Variants in PTPRN2 observed in about 807,000 individuals in gnomAD.
The protein encoded by PTPRN2 is protein tyrosine phosphatase receptor type N2.
A neutral mutation model predicts 118.8 loss-of-function variants in PTPRN2; 74 were observed. The observed-to-expected ratio is 0.62, with a 90% CI of 0.52 to 0.76. The LOEUF is 0.76. Among genes scored for constraint, PTPRN2 ranks in the 30% least tolerant of loss-of-function variants. The pLI is 0.00. For missense variants in PTPRN2, 1,481 were observed against 1,394.4 expected (o/e 1.06, Z -0.99); for synonymous variants, 641 against 608.0 (o/e 1.05, Z -0.80).
At chr7:158,138,601 G>A (rs577989186) in intron 6 of PTPRN2, 86 bp from the exon 7 acceptor site, 188 of 1,308,862 alleles carry the variant, frequency 1.4e-4, no homozygotes, top group Middle Eastern at 1.9e-4. Flanking sequence ...TGTGGTGGGC[G>A]TCTGCGGCGT....
chr7:158,536,759 G>A (rs535107806), intron 1 of PTPRN2, among the ~76,000 whole-genome samples: 176 of 141,108 alleles, frequency 1.2e-3, no homozygotes, highest in Admixed American at 4.3e-3. Context: ...GTCCACCATC[G>A]ACAAGACGAG....
chr7:158,035,804 A>G (rs1438343795), intron 11 of PTPRN2, among the ~76,000 whole-genome samples: 1 of 152,234 alleles, frequency 6.6e-6, no homozygotes, highest in Non-Finnish European at 1.5e-5. Flanking sequence ...CTTTCCAACA[A>G]TGAGAGTTCT....
intron 4 of PTPRN2, among the ~76,000 whole-genome samples, chr7:158,194,177 C>T (rs1470650287): frequency 4.6e-5 from 7 of 152,136 alleles, no homozygotes; most frequent in Non-Finnish European, 7.4e-5. Flanking sequence ...GGTGTGAGTG[C>T]GTGTGTGCGT....
chr7:158,214,397 TACACACACACACACACAC>T (rs144370539), intron 3 of PTPRN2, among the ~76,000 whole-genome samples: 1 of 145,762 alleles, frequency 6.9e-6, no homozygotes. Flanking sequence ...CACCAGCGTG[TACACACACACACACACAC>T]ACACACACAC....
chr7:158,188,182 C>A (rs1285683761), intron 5 of PTPRN2, among the ~76,000 whole-genome samples: 1 of 121,094 alleles, frequency 8.3e-6, no homozygotes, highest in Non-Finnish European at 1.8e-5. Context: ...CCACGCTCGC[C>A]CCGCGATGGG....
chr7:157,614,005 TGGTGGAAGA>T, intron 15 of PTPRN2: 1 of 471,244 alleles, frequency 2.1e-6, no homozygotes, highest in South Asian at 1.5e-5. Context: ...ACATTCTTGC[TGGTGGAAGA>T]CCACAAGCAA....
intron 12 of PTPRN2, among the ~76,000 whole-genome samples, chr7:157,699,114 T>C (rs986879861): frequency 3.0e-4 from 46 of 152,250 alleles, no homozygotes; most frequent in African/African-American, 1.0e-3. Flanking sequence ...TCGGGTTGCT[T>C]TGGAATTAAA....
chr7:158,114,694 G>T (rs1237307563), intron 9 of PTPRN2, among the ~76,000 whole-genome samples: 1 of 152,200 alleles, frequency 6.6e-6, no homozygotes, highest in African/African-American at 2.4e-5. Context: ...AGGGAAAAGA[G>T]AAGCCACCGG....
At position 158,136,192 on chromosome 7, in the gene PTPRN2, A is replaced by G. The variant is rs147020764; in HGVS notation, c.1173+463T>C. On this transcript the variant is annotated intron_variant, in intron 8 of 22. Coordinates refer to ENST00000389418, the MANE Select transcript of PTPRN2 (RefSeq NM_002847.5). ...GAACCCAGTGCGGCCAAGGCACTGCATCTTTCATTTATTTAATTTTATTCA... is the reference window on the plus strand; with the variant it reads ...GAACCCAGTGCGGCCAAGGCACTGCGTCTTTCATTTATTTAATTTTATTCA... Among the ~76,000 whole-genome samples the G allele has an allele frequency of 2.6e-3, 401 of 152,340 alleles. 1 individual carries two copies. The highest frequency in any genetic ancestry group is 8.7e-3 in the African/African-American group (363 of 41,590).
intron 2 of PTPRN2, among the ~76,000 whole-genome samples, chr7:158,406,810 G>C (rs115996450): frequency 2.0e-5 from 3 of 152,138 alleles, no homozygotes; most frequent in Non-Finnish European, 4.4e-5. Context: ...TTTGTGTTTC[G>C]GCTCATTTCG....
rs1178934633 is a variant in PTPRN2 at position 157,881,912 on chromosome 7, C to T, written c.1788+16761G>A. Among the ~76,000 whole-genome samples the T allele has an allele frequency of 6.6e-6, 1 of 152,184 alleles. No homozygotes were observed. Among genetic ancestry groups the T allele is most frequent in the Non-Finnish European group, 1.5e-5 (1 of 68,042 alleles). Reference sequence around the variant, plus strand: ...CCCAGTGTCTAGGGCCCTCCACCATCCATCAGTTTCTAATGTAGGAGATGA... The same window carrying T: ...CCCAGTGTCTAGGGCCCTCCACCATTCATCAGTTTCTAATGTAGGAGATGA... On this transcript the variant is annotated intron_variant, in intron 12 of 22. Transcript: ENST00000389418. The surrounding 1 kb of genome is among the most constrained non-coding windows in gnomAD (Gnocchi z 4.7).
At chr7:158,268,021 T>C (rs556556508) in intron 3 of PTPRN2, among the ~76,000 whole-genome samples, 1 of 152,308 alleles carries the variant, frequency 6.6e-6, no homozygotes, top group South Asian at 2.1e-4. Context: ...GTGACTGTAT[T>C]TGGGTAACTG....
At chr7:158,482,921 C>G (rs957646502) in intron 2 of PTPRN2, among the ~76,000 whole-genome samples, 16 of 152,202 alleles carry the variant, frequency 1.1e-4, no homozygotes, top group Non-Finnish European at 1.6e-4. Flanking sequence ...CAGAATTCCC[C>G]CAGCCCCTTC....
rs1809953803 is a variant in PTPRN2, at chr7:158,058,169, GCC to G, written c.1723+23127_1723+23128del. Among the ~76,000 whole-genome samples, 7 of 139,096 alleles carry G rather than the reference GCC, an allele frequency of 5.0e-5. No individual in the cohort carries two copies. In the East Asian group the frequency reaches 1.3e-3, roughly 26 times the overall value. 91.3% of individuals were successfully genotyped at this position (139,096 alleles called of 152,430 possible). On this transcript the variant is annotated intron_variant, in intron 11 of 22. Coordinates refer to ENST00000389418, the MANE Select transcript of PTPRN2 (RefSeq NM_002847.5). ...GCATCACTGCAGCCACACTCCATCT[GCC>G]CACGGTGAGACATCACTGTAGCCAC... is the stretch of plus-strand genomic sequence containing the variant.
intron 13 of PTPRN2, among the ~76,000 whole-genome samples, chr7:157,664,175 G>A (rs1796025196): frequency 6.6e-6 from 1 of 152,250 alleles, no homozygotes; most frequent in South Asian, 2.1e-4. Context: ...CACCTGAAAA[G>A]GCAGTCGCAT....
intron 12 of PTPRN2, among the ~76,000 whole-genome samples, chr7:157,896,458 C>G (rs188358537): frequency 5.6e-4 from 85 of 151,128 alleles, no homozygotes; most frequent in African/African-American, 6.6e-4. Flanking sequence ...TGGGAAGGAG[C>G]TCCGTTGTGA....
At chr7:158,124,916 A>G (rs1023180211) in intron 9 of PTPRN2, among the ~76,000 whole-genome samples, 5 of 152,232 alleles carry the variant, frequency 3.3e-5, no homozygotes, top group Non-Finnish European at 7.3e-5. Context: ...GTGAGAAAGA[A>G]AGAGCCGTGA....
chr7:157,549,008 T>A lies in PTPRN2; in HGVS notation c.2914A>T (p.Ile972Phe), dbSNP rs774446843. 2 of 1,614,176 alleles carry A rather than the reference T, an allele frequency of 1.2e-6. No individual in the cohort carries two copies. Among genetic ancestry groups the A allele is most frequent in the Admixed American group, 3.3e-5 (2 of 60,028 alleles). Residue 972 changes from isoleucine (I) to phenylalanine (F), a missense_variant, in exon 22 of 23, where the codon ATT (isoleucine) becomes TTT (phenylalanine). This residue lies in a region of PTPRN2 where 362 missense variants were observed against 384.1 expected (regional missense o/e 0.94). Coordinates refer to ENST00000389418, the MANE Select transcript of PTPRN2 (RefSeq NM_002847.5). ...LNKMAKGAKE[I>F]DIAATLEHLR... ...TGCTCCAGGGTCGCTGCGATATCAA[T>A]CTCTTTAGCACCTGCAACAAACCAC...
Position 157,777,216 on chromosome 7 carries a change from G to C in PTPRN2, c.1789-94279C>G, listed in dbSNP as rs77092009. Among the ~76,000 whole-genome samples, 1,288 of 152,220 alleles carry C rather than the reference G, an allele frequency of 8.5e-3. 47 individuals carry two copies. The South Asian group carries it at 0.1, about 12-fold the overall frequency. On this transcript the variant is annotated intron_variant, in intron 12 of 22. Transcript: ENST00000389418. Reference sequence around the variant, plus strand: ...CTTGCATTTTTTTCACATTCAAACAGATCCACAAATTCTTGTTAGATACAC... The same window carrying C: ...CTTGCATTTTTTTCACATTCAAACACATCCACAAATTCTTGTTAGATACAC...
Sources: gnomAD v4.1 joint callset for allele counts (sites outside exome capture counted in the v4.1 genomes callset) on GRCh38, gnomAD v4.1.1 for gene constraint, gnomAD v4.1.1 regional missense constraint, Gnocchi (gnomAD v3.1) non-coding constraint, MANE v1.5 for transcripts, NCBI Gene and HGNC (gene_info 2026-07-23, HGNC 2026-07-21) for gene names.